Variants in RFX8 observed in about 807,000 individuals in gnomAD.
RFX8 encodes the protein regulatory factor X8, also known as DNA-binding protein RFX8.
A neutral mutation model predicts 54.6 loss-of-function variants in RFX8; 46 were observed. That is an observed-to-expected ratio of 0.84 (90% CI 0.67 to 1.08). The LOEUF is 1.08. Ranked by LOEUF, RFX8 falls within the 50% of genes least tolerant of loss-of-function variation. The pLI is 0.00. For missense variants in RFX8, 536 were observed against 562.3 expected (o/e 0.95, Z 0.47); for synonymous variants, 192 against 209.5 (o/e 0.92, Z 0.72).
At chr2:101,470,381 TG>T in intron 1 of RFX8, among the ~76,000 whole-genome samples, 1 of 152,156 alleles carries the variant, frequency 6.6e-6, no homozygotes, top group Non-Finnish European at 1.5e-5. Context: ...TCCAACCACC[TG>T]GGGCTCCAAG....
intron 9 of RFX8, 69 bp from the exon 10 acceptor site, chr2:101,406,126 A>C (rs1490054627): frequency 1.2e-6 from 1 of 864,760 alleles, no homozygotes; most frequent in Non-Finnish European, 1.8e-6. Flanking sequence ...ATGTTTTCAA[A>C]TGCACACATT....
At chr2:101,464,018 T>C (rs890739503) in intron 2 of RFX8, among the ~76,000 whole-genome samples, 1 of 152,208 alleles carries the variant, frequency 6.6e-6, no homozygotes, top group African/African-American at 2.4e-5. Flanking sequence ...GTCATGCTGA[T>C]TGCTCAAATG....
In RFX8 at chr2:101,469,108, GTGTATA is replaced by G. The variant is rs1278501310; in HGVS notation, c.-52-2214_-52-2209del. ...TATATATATAAGTATATATATATAA[GTGTATA>G]TATATATAAGTATATATATATAAGT... On this transcript the variant is annotated intron_variant, in intron 1 of 11. Transcript: ENST00000428343. Among the ~76,000 whole-genome samples, 5 of 16,690 alleles carry G rather than the reference GTGTATA, an allele frequency of 3.0e-4. 1 individual carries two copies. The East Asian group carries it at 6.7e-3, about 22-fold the overall frequency. The allele number at this position is 16,690 out of a possible 152,430, so 10.9% of individuals were successfully genotyped here.
chr2:101,469,081 T>TATATATATACCTATATATATATAC (rs1558896774), intron 1 of RFX8, among the ~76,000 whole-genome samples: 2 of 10,676 alleles, frequency 1.9e-4, no homozygotes, highest in African/African-American at 9.1e-4. Context: ...TATATATAAG[T>TATATATATACCTATATATATATAC]GTATATATAT....
intron 11 of RFX8, among the ~76,000 whole-genome samples, chr2:101,398,245 G>T (rs1168049757): frequency 6.6e-6 from 1 of 152,212 alleles, no homozygotes; most frequent in African/African-American, 2.4e-5. Flanking sequence ...GCAAGGCAGG[G>T]ATGGTGCAGG....
chr2:101,451,766 G>A (rs954811716), intron 2 of RFX8, among the ~76,000 whole-genome samples: 5 of 151,288 alleles, frequency 3.3e-5, no homozygotes, highest in African/African-American at 1.2e-4. Flanking sequence ...TGCTAATTTT[G>A]TGAACACAGA....
rs576178469 is a variant in RFX8, at chr2:101,466,130, T to C, written c.72+647A>G. On this transcript the variant is annotated intron_variant, in intron 2 of 11. Transcript: ENST00000428343. ...CACACGATTGCTGTGGGGAGGGTAA[T>C]GGTTTGGCCACATCCCTTGATGTCA... is the stretch of plus-strand genomic sequence containing the variant. Among the ~76,000 whole-genome samples the C allele has an allele frequency of 4.2e-4, 64 of 152,172 alleles. No homozygotes were observed. In the South Asian group the frequency reaches 8.1e-3, roughly 19 times the overall value.
intron 2 of RFX8, among the ~76,000 whole-genome samples, chr2:101,459,801 T>C (rs1288813741): frequency 6.6e-6 from 1 of 152,218 alleles, no homozygotes; most frequent in African/African-American, 2.4e-5. Context: ...TCTGCAGAAG[T>C]TGTCTGCTGC....
intron 1 of RFX8, among the ~76,000 whole-genome samples, chr2:101,469,223 T>C (rs559894088): frequency 3.4e-4 from 51 of 149,350 alleles, no homozygotes; most frequent in Non-Finnish European, 1.5e-4. Context: ...GGTGCAATCA[T>C]AGCTCATTGC....
At chr2:101,423,403 C>T (rs1338466970) in intron 2 of RFX8, among the ~76,000 whole-genome samples, 1 of 152,096 alleles carries the variant, frequency 6.6e-6, no homozygotes, top group Non-Finnish European at 1.5e-5. Flanking sequence ...CATGAGGGCT[C>T]CTCCTGGTCT....
chr2:101,470,880 C>T (rs777343298), intron 1 of RFX8, among the ~76,000 whole-genome samples: 4 of 150,648 alleles, frequency 2.7e-5, no homozygotes, highest in Non-Finnish European at 4.4e-5. Flanking sequence ...CCACCTCGCC[C>T]GGCTAATTTT....
At chr2:101,439,461 G>A (rs1687964147) in intron 2 of RFX8, among the ~76,000 whole-genome samples, 1 of 152,166 alleles carries the variant, frequency 6.6e-6, no homozygotes, top group Non-Finnish European at 1.5e-5. Flanking sequence ...TTGTGTGCAA[G>A]TCCCAGTGAT....
intron 1 of RFX8, among the ~76,000 whole-genome samples, chr2:101,467,801 G>A (rs1040179563): frequency 2.6e-5 from 4 of 151,926 alleles, no homozygotes; most frequent in Non-Finnish European, 5.9e-5. Flanking sequence ...GGTGGCCTGG[G>A]TCAGAAAGTG....
At chr2:101,425,927 G>A (rs559539520) in intron 2 of RFX8, among the ~76,000 whole-genome samples, 18 of 152,242 alleles carry the variant, frequency 1.2e-4, no homozygotes, top group African/African-American at 4.3e-4. Flanking sequence ...GAGAGAAGTT[G>A]ATCAATGGGT....
chr2:101,464,574 T>A (rs1689475342), intron 2 of RFX8, among the ~76,000 whole-genome samples: 1 of 152,190 alleles, frequency 6.6e-6, no homozygotes, highest in South Asian at 2.1e-4. Context: ...CTTCTCCATT[T>A]AGTCACAAAT....
chr2:101,442,190 T>G (rs1688137458), intron 2 of RFX8, among the ~76,000 whole-genome samples: 1 of 152,226 alleles, frequency 6.6e-6, no homozygotes, highest in African/African-American at 2.4e-5. Context: ...CATTTAGGCC[T>G]CTTTACCTTC....
chr2:101,466,632 G>C (rs1689588122), intron 2 of RFX8, 145 bp downstream of exon 2: 1 of 698,198 alleles, frequency 1.4e-6, no homozygotes, highest in Non-Finnish European at 2.6e-6. Context: ...ATTAGCTGAA[G>C]GATGTTGACC....
chr2:101,433,681 G>A lies in RFX8; in HGVS notation c.73-11209C>T, dbSNP rs116041244. Reference sequence around the variant, plus strand: ...CATTTTGGCATCATAAATTGCCCTCGCAAATCACTCTAACCAGTGGTGAAA... The same window carrying A: ...CATTTTGGCATCATAAATTGCCCTCACAAATCACTCTAACCAGTGGTGAAA... On this transcript the variant is annotated intron_variant, in intron 2 of 11. Coordinates refer to ENST00000428343, the MANE Select transcript of RFX8 (RefSeq NM_001145664.2). 9.8e-3 allele frequency among the ~76,000 whole-genome samples: 1,494 copies of A among 152,122 alleles called. 15 individuals are homozygous for A. Among genetic ancestry groups the A allele is most frequent in the African/African-American group, 0.034 (1,420 of 41,468 alleles).
Position 101,474,644 on chromosome 2 carries a change from C to T in RFX8, c.-61G>A, listed in dbSNP as rs1277685235. On this transcript the variant is annotated 5_prime_UTR_variant, in exon 1 of 12. Transcript: ENST00000428343. ...AACAAGCACCAACTTACACCTTTTC[C>T]AATCTGGTCGCGGTGTTGAGTCCGT... 5.3e-6 allele frequency: 1 copy of T among 188,940 alleles called. No individual in the cohort carries two copies. The highest frequency in any genetic ancestry group is 1.3e-4 in the East Asian group (1 of 7,806). The allele number at this position is 188,940 out of a possible 1,614,324, so 11.7% of individuals were successfully genotyped here. A position where few individuals can be genotyped will look rare whatever the true frequency, so the allele number is the denominator to read the frequency against.
Sources: gnomAD v4.1 joint callset for allele counts (sites outside exome capture counted in the v4.1 genomes callset) on GRCh38, gnomAD v4.1.1 for gene constraint, MANE v1.5 for transcripts, NCBI Gene and HGNC (gene_info 2026-07-23, HGNC 2026-07-21) for gene names.